The following CELF4 variants were observed in gnomAD, a reference collection of about 807,000 sequenced individuals.
CELF4 encodes CUG-BP- and ETR-3-like factor 4.
In CELF4, 18 loss-of-function variants were observed where a neutral mutation model predicts 59.9. The ratio of observed to expected loss-of-function variants is 0.30; its 90% CI spans 0.21 to 0.45. The LOEUF (loss-of-function observed/expected upper bound fraction) is 0.45, where lower values mean the gene tolerates loss of function less well. Among genes scored for constraint, CELF4 ranks in the 20% least tolerant of loss-of-function variants. The pLI, the probability that CELF4 is intolerant of heterozygous loss-of-function variation, is 1.00. For synonymous variants in CELF4, 261 were observed against 267.1 expected (o/e 0.98, Z 0.22); for missense variants, 456 against 689.0 (o/e 0.66, Z 3.79).
At chr18:37,431,164 G>A (rs1026766592) in intron 2 of CELF4, among the ~76,000 whole-genome samples, 3 of 152,112 alleles carry the variant, frequency 2.0e-5, no homozygotes, top group Non-Finnish European at 4.4e-5. Context: ...GCTTGACTGT[G>A]CCATCTAGTT....
chr18:37,476,276 G>A (rs1421362786), intron 2 of CELF4, among the ~76,000 whole-genome samples: 1 of 152,286 alleles, frequency 6.6e-6, no homozygotes, highest in East Asian at 1.9e-4. Context: ...CCGAGTGTTC[G>A]GCATCATTTT....
At chr18:37,435,189 T>C (rs2099686906) in intron 2 of CELF4, among the ~76,000 whole-genome samples, 2 of 152,180 alleles carry the variant, frequency 1.3e-5, no homozygotes, top group Non-Finnish European at 2.9e-5. Context: ...AACCCCGTTT[T>C]TTAGCTCAGC....
intron 2 of CELF4, among the ~76,000 whole-genome samples, chr18:37,329,524 T>A (rs2097454946): frequency 6.6e-6 from 1 of 152,228 alleles, no homozygotes; most frequent in South Asian, 2.1e-4. Context: ...CTTTGCTGAG[T>A]CATGGCCTCT....
At chr18:37,338,759 C>T (rs1179262412) in intron 2 of CELF4, among the ~76,000 whole-genome samples, 5 of 145,572 alleles carry the variant, frequency 3.4e-5, no homozygotes, top group Non-Finnish European at 6.0e-5. Flanking sequence ...ATGCAGGAGC[C>T]GTGTGTGTGT....
chr18:37,553,681 C>T (rs141466895), intron 1 of CELF4, among the ~76,000 whole-genome samples: 4 of 152,208 alleles, frequency 2.6e-5, no homozygotes, highest in Non-Finnish European at 5.9e-5. Context: ...TGCTGGTGTC[C>T]CAGGCTCAGG....
At chr18:37,470,887 T>TGTGTGTGTGAGAGAGAGAGAGA in intron 2 of CELF4, among the ~76,000 whole-genome samples, 1 of 71,928 alleles carries the variant, frequency 1.4e-5, no homozygotes, top group Non-Finnish European at 2.7e-5. Context: ...TGTGTGTGTG[T>TGTGTGTGTGAGAGAGAGAGAGA]GACAGAGAGA....
At chr18:37,545,789 T>C (rs2154605634) in intron 1 of CELF4, among the ~76,000 whole-genome samples, 1 of 151,996 alleles carries the variant, frequency 6.6e-6, no homozygotes, top group South Asian at 2.1e-4. Context: ...CCTGCACTTG[T>C]GGCTGTCTCC....
At chr18:37,491,172 A>C in intron 1 of CELF4, among the ~76,000 whole-genome samples, 1 of 119,208 alleles carries the variant, frequency 8.4e-6, no homozygotes, top group African/African-American at 2.8e-5. Flanking sequence ...CCCGAGAGGG[A>C]TGCCGTGCCC....
intron 3 of CELF4, among the ~76,000 whole-genome samples, chr18:37,318,664 A>C (rs2096961180): frequency 6.9e-6 from 1 of 145,570 alleles, no homozygotes; most frequent in African/African-American, 2.6e-5. Context: ...CAAGAAGAAT[A>C]AAAGAGCTGA....
chr18:37,321,416 T>A (rs1448801661), intron 3 of CELF4, among the ~76,000 whole-genome samples: 2 of 152,318 alleles, frequency 1.3e-5, no homozygotes, highest in African/African-American at 2.4e-5. Context: ...GCCTGAATCC[T>A]CCTACAGCAC....
intron 1 of CELF4, among the ~76,000 whole-genome samples, chr18:37,512,334 G>A (rs866191989): frequency 1.3e-5 from 2 of 152,164 alleles, no homozygotes; most frequent in African/African-American, 2.4e-5. Context: ...GTGGAGCTGC[G>A]GCCTCTCTGA....
intron 2 of CELF4, among the ~76,000 whole-genome samples, chr18:37,350,759 G>A (rs73427253): frequency 1.4e-3 from 208 of 152,374 alleles, no homozygotes; most frequent in African/African-American, 4.8e-3. Context: ...CCAAATGTCT[G>A]ATGGTGGGAC....
Position 37,254,174 on chromosome 18 carries a change from C to A in CELF4, c.1334-236G>T, listed in dbSNP as rs1165541173. Reference sequence around the variant, plus strand: ...CGCTGACCTGCGCCTAGTCTCTGGCCGCGTCACTCGCCCGGCGCCCGCTCC... The same window carrying A: ...CGCTGACCTGCGCCTAGTCTCTGGCAGCGTCACTCGCCCGGCGCCCGCTCC... On this transcript the variant is annotated intron_variant, in intron 11 of 12. Transcript: ENST00000420428. The surrounding 1 kb of genome is among the most constrained non-coding windows in gnomAD (Gnocchi z 5.1). Among the ~76,000 whole-genome samples the A allele has an allele frequency of 6.6e-6, 1 of 151,030 alleles. No homozygotes were observed. The highest frequency in any genetic ancestry group is 1.5e-5 in the Non-Finnish European group (1 of 67,626).
chr18:37,369,076 A>G (rs960478320), intron 2 of CELF4, among the ~76,000 whole-genome samples: 6 of 152,156 alleles, frequency 3.9e-5, no homozygotes, highest in African/African-American at 1.4e-4. Flanking sequence ...AATAAGGTTC[A>G]TTTTGAGATG....
At chr18:37,481,006 G>T (rs2099865388) in intron 2 of CELF4, among the ~76,000 whole-genome samples, 1 of 152,060 alleles carries the variant, frequency 6.6e-6, no homozygotes, top group African/African-American at 2.4e-5. Context: ...CATCTTTCCT[G>T]GTAAACTCAA....
At chr18:37,449,671 C>T (rs2099757713) in intron 2 of CELF4, among the ~76,000 whole-genome samples, 1 of 152,092 alleles carries the variant, frequency 6.6e-6, no homozygotes, top group Non-Finnish European at 1.5e-5. Context: ...GGAAGAGCTA[C>T]TTTAGATAAA....
chr18:37,343,329 CTGTGTGTGTGTG>C (rs5824051), intron 2 of CELF4, among the ~76,000 whole-genome samples: 1,375 of 127,050 alleles, frequency 0.011, 24 homozygotes, highest in East Asian at 0.06. Context: ...GGTGTTGATT[CTGTGTGTGTGTG>C]TGTGTGTGTG....
intron 2 of CELF4, among the ~76,000 whole-genome samples, chr18:37,372,110 A>G (rs1403394235): frequency 2.0e-5 from 3 of 152,186 alleles, no homozygotes; most frequent in Admixed American, 6.5e-5. Flanking sequence ...ATACCATTTG[A>G]CCCAGCCATC....
chr18:37,492,187 A>G (rs1786802), intron 1 of CELF4, among the ~76,000 whole-genome samples: 113,354 of 152,068 alleles, frequency 0.75, 45,208 homozygotes, highest in Non-Finnish European at 0.9. Flanking sequence ...AGTGGGAGAA[A>G]GCTGGGCGGT....
Sources: allele counts gnomAD v4.1 joint callset (sites outside exome capture counted in the v4.1 genomes callset), GRCh38; gene constraint gnomAD v4.1.1; non-coding constraint Gnocchi (gnomAD v3.1); transcripts MANE v1.5; gene names NCBI Gene and HGNC (gene_info 2026-07-23, HGNC 2026-07-21).